The following HS3ST4 variants were observed in gnomAD, a reference collection of about 807,000 sequenced individuals.
HS3ST4 encodes heparan sulfate glucosamine 3-O-sulfotransferase 4.
In HS3ST4, 17 loss-of-function variants were observed where a neutral mutation model predicts 29.2. The observed-to-expected ratio is 0.58, with a 90% CI of 0.40 to 0.87. The LOEUF is 0.87. Among genes scored for constraint, HS3ST4 ranks in the 40% least tolerant of loss-of-function variants. The probability of loss-of-function intolerance (pLI) is 0.00; values close to 1 mark genes in which losing one functional copy is unlikely to be tolerated. For synonymous variants in HS3ST4, 314 were observed against 285.7 expected (o/e 1.10, Z -1.00); for missense variants, 627 against 634.5 (o/e 0.99, Z 0.13).
intron 1 of HS3ST4, among the ~76,000 whole-genome samples, chr16:25,765,368 G>A (rs991696548): frequency 6.6e-6 from 1 of 152,138 alleles, no homozygotes; most frequent in African/African-American, 2.4e-5. Context: ...AGACCCAATC[G>A]CCAGGAGCCG....
chr16:25,980,563 G>A (rs62034470), intron 1 of HS3ST4, among the ~76,000 whole-genome samples: 13,026 of 152,172 alleles, frequency 0.086, 652 homozygotes, highest in African/African-American at 0.12. Flanking sequence ...CCTGGAAACC[G>A]AAATTTAGTA....
intron 1 of HS3ST4, among the ~76,000 whole-genome samples, chr16:25,919,269 G>A (rs1968323196): frequency 6.6e-6 from 1 of 152,106 alleles, no homozygotes; most frequent in Non-Finnish European, 1.5e-5. Context: ...GACCTCAAGT[G>A]ATCCTCAGCC....
At chr16:25,784,530 G>A (rs1966855641) in intron 1 of HS3ST4, among the ~76,000 whole-genome samples, 1 of 152,212 alleles carries the variant, frequency 6.6e-6, no homozygotes, top group South Asian at 2.1e-4. Flanking sequence ...TGCTGATATG[G>A]GGGAAGTTTT....
At chr16:25,844,242 T>G (rs1567253380) in intron 1 of HS3ST4, among the ~76,000 whole-genome samples, 1 of 152,266 alleles carries the variant, frequency 6.6e-6, no homozygotes, top group Non-Finnish European at 1.5e-5. Context: ...CTAAGATCGT[T>G]GTTTATGCTT....
At chr16:25,999,100 A>G (rs1019391899) in intron 1 of HS3ST4, among the ~76,000 whole-genome samples, 3 of 152,098 alleles carry the variant, frequency 2.0e-5, no homozygotes, top group Non-Finnish European at 4.4e-5. Flanking sequence ...TTTACTAGCT[A>G]ATTCATTTCG....
chr16:25,709,381 C>T (rs1966400580), intron 1 of HS3ST4, among the ~76,000 whole-genome samples: 1 of 152,046 alleles, frequency 6.6e-6, no homozygotes, highest in African/African-American at 2.4e-5. Flanking sequence ...GCACTGCCTC[C>T]CTGGAGCCTA....
intron 1 of HS3ST4, among the ~76,000 whole-genome samples, chr16:25,930,652 T>C (rs568791338): frequency 6.6e-6 from 1 of 151,816 alleles, no homozygotes; most frequent in South Asian, 2.1e-4. Context: ...CATAAATCTT[T>C]CTTTCTCCAT....
At chr16:26,014,275 T>C (rs1387273332) in intron 1 of HS3ST4, among the ~76,000 whole-genome samples, 1 of 152,190 alleles carries the variant, frequency 6.6e-6, no homozygotes, top group Admixed American at 6.5e-5. Context: ...TTGTGGACAT[T>C]CCATGAATAC....
intron 1 of HS3ST4, among the ~76,000 whole-genome samples, chr16:25,815,449 G>A (rs1228735080): frequency 3.3e-5 from 5 of 152,092 alleles, no homozygotes; most frequent in Non-Finnish European, 5.9e-5. Context: ...TCAGCCTCAC[G>A]AGTAGCTGGG....
intron 1 of HS3ST4, among the ~76,000 whole-genome samples, chr16:25,831,213 T>G (rs1486294326): frequency 6.6e-6 from 1 of 152,152 alleles, no homozygotes; most frequent in East Asian, 1.9e-4. Context: ...TGCTCCCCAC[T>G]GGTTCACTCA....
At chr16:25,982,982 A>G (rs1969023682) in intron 1 of HS3ST4, among the ~76,000 whole-genome samples, 1 of 152,248 alleles carries the variant, frequency 6.6e-6, no homozygotes, top group Non-Finnish European at 1.5e-5. Context: ...CTGGGCACTG[A>G]AGGTATAAGA....
At chr16:26,111,228 A>G (rs969796482) in intron 1 of HS3ST4, among the ~76,000 whole-genome samples, 4 of 151,018 alleles carry the variant, frequency 2.6e-5, no homozygotes, top group Non-Finnish European at 5.9e-5. Context: ...ACAGGTGTAT[A>G]CCAGCACATC....
intron 1 of HS3ST4, among the ~76,000 whole-genome samples, chr16:25,808,204 A>T (rs1032509310): frequency 6.6e-6 from 1 of 152,160 alleles, no homozygotes; most frequent in Non-Finnish European, 1.5e-5. Context: ...TTCTTTGCCT[A>T]GCCTGGATCC....
intron 1 of HS3ST4, among the ~76,000 whole-genome samples, chr16:25,999,913 A>G (rs1969198594): frequency 7.2e-6 from 1 of 138,890 alleles, no homozygotes; most frequent in African/African-American, 2.7e-5. Flanking sequence ...ATATATATAT[A>G]TCTGTTTTTC....
chr16:25,877,938 C>T (rs1394614103), intron 1 of HS3ST4, among the ~76,000 whole-genome samples: 1 of 152,124 alleles, frequency 6.6e-6, no homozygotes, highest in Non-Finnish European at 1.5e-5. Context: ...CAGGAGCTTC[C>T]AGTCTGGGTC....
chr16:26,047,767 A>G (rs562937414), intron 1 of HS3ST4, among the ~76,000 whole-genome samples: 71 of 152,304 alleles, frequency 4.7e-4, no homozygotes, highest in African/African-American at 1.7e-3. Flanking sequence ...CTCCTTTTAT[A>G]TGAGTAAGAA....
At chr16:25,880,834 A>T (rs1163266574) in intron 1 of HS3ST4, among the ~76,000 whole-genome samples, 1 of 152,242 alleles carries the variant, frequency 6.6e-6, no homozygotes, top group Non-Finnish European at 1.5e-5. Context: ...TCTTTTAAAT[A>T]AAGAGTATGA....
intron 1 of HS3ST4, among the ~76,000 whole-genome samples, chr16:25,984,833 G>T (rs1253481788): frequency 6.6e-6 from 1 of 152,116 alleles, no homozygotes; most frequent in Non-Finnish European, 1.5e-5. Flanking sequence ...TAGTCCTGCA[G>T]TGGTTCTTGA....
At chr16:25,823,385 A>G (rs4238923) in intron 1 of HS3ST4, among the ~76,000 whole-genome samples, 151,879 of 152,300 alleles carry the variant, frequency 1, 75,731 homozygotes, top group East Asian at 1. Flanking sequence ...ATGACTGCTT[A>G]TTTGTCCAAA....
Sources: allele counts gnomAD v4.1 joint callset (sites outside exome capture counted in the v4.1 genomes callset), GRCh38; gene constraint gnomAD v4.1.1; transcripts MANE v1.5; gene names NCBI Gene and HGNC (gene_info 2026-07-23, HGNC 2026-07-21).